Variants in ASAP1 observed in about 807,000 individuals in gnomAD.
ASAP1 encodes the protein ArfGAP with SH3 domain, ankyrin repeat and PH domain 1.
Under a neutral mutation model 145.2 loss-of-function variants are expected in ASAP1, and 43 were observed. The observed-to-expected ratio is 0.30, with a 90% CI of 0.23 to 0.38. ASAP1 has a LOEUF of 0.38. Among genes scored for constraint, ASAP1 ranks in the 10% least tolerant of loss-of-function variants. The pLI, the probability that ASAP1 is intolerant of heterozygous loss-of-function variation, is 1.00. For synonymous variants in ASAP1, 546 were observed against 515.5 expected, an observed-to-expected ratio of 1.06 and a Z score of -0.80; for missense variants, 1,018 against 1,355.3, an observed-to-expected ratio of 0.75 and a Z score of 3.91.
intron 3 of ASAP1, among the ~76,000 whole-genome samples, chr8:130,330,764 T>C (rs1180515897): frequency 6.6e-6 from 1 of 152,216 alleles, no homozygotes; most frequent in African/African-American, 2.4e-5. Flanking sequence ...ATCATTTATC[T>C]TTTGTTGCCT....
rs5895034 is a variant in ASAP1, at chr8:130,074,486, C to CACACACACAGAG, written c.2701+1861_2701+1862insCTCTGTGTGTGT. ...ACACACACACACACACACACACACA[C>CACACACACAGAG]AGAGAGAACGAGAGTAGAGCAACGG... On this transcript the variant is annotated intron_variant, in intron 27 of 29. Coordinates refer to ENST00000518721, the MANE Select transcript of ASAP1 (RefSeq NM_018482.4). Among the ~76,000 whole-genome samples the CACACACACAGAG allele has an allele frequency of 1.2e-3, 169 of 140,580 alleles. 2 individuals are homozygous for CACACACACAGAG. The Middle Eastern group carries it at 0.022, about 19-fold the overall frequency. The allele number at this position is 140,580 out of a possible 152,430, so 92.2% of individuals were successfully genotyped here.
chr8:130,252,036 T>TA (rs1213754657), intron 3 of ASAP1, among the ~76,000 whole-genome samples: 1 of 152,172 alleles, frequency 6.6e-6, no homozygotes, highest in Non-Finnish European at 1.5e-5. Flanking sequence ...AAAGGATGTG[T>TA]ATTATCAAAT....
chr8:130,360,336 G>A (rs1826651702), intron 2 of ASAP1, among the ~76,000 whole-genome samples: 1 of 152,202 alleles, frequency 6.6e-6, no homozygotes, highest in Non-Finnish European at 1.5e-5. Context: ...GCCCTCAGCT[G>A]CCTCACATGA....
chr8:130,178,003 C>G (rs1814084578), intron 9 of ASAP1, among the ~76,000 whole-genome samples: 1 of 152,194 alleles, frequency 6.6e-6, no homozygotes, highest in African/African-American at 2.4e-5. Context: ...TAACCAGCTG[C>G]AGAGCCAAAA....
At chr8:130,371,145 A>G (rs1827194913) in intron 2 of ASAP1, among the ~76,000 whole-genome samples, 1 of 152,226 alleles carries the variant, frequency 6.6e-6, no homozygotes, top group African/African-American at 2.4e-5. Context: ...AGTATCTACT[A>G]TATACAAGGC....
chr8:130,109,092 A>G (rs538920152), intron 24 of ASAP1, among the ~76,000 whole-genome samples: 45 of 152,272 alleles, frequency 3.0e-4, no homozygotes, highest in African/African-American at 1.1e-3. Flanking sequence ...CAGTGTTAAT[A>G]AACGTACAGT....
chr8:130,143,391 G>A (rs2097617465), intron 13 of ASAP1, among the ~76,000 whole-genome samples: 1 of 150,054 alleles, frequency 6.7e-6, no homozygotes. Context: ...ATTTTACCAA[G>A]ATGTGTGTGT....
At chr8:130,249,190 T>C (rs1268695275) in intron 3 of ASAP1, among the ~76,000 whole-genome samples, 1 of 152,130 alleles carries the variant, frequency 6.6e-6, no homozygotes, top group Non-Finnish European at 1.5e-5. Flanking sequence ...TCCGCACCAT[T>C]GCAGAGTGTT....
At chr8:130,320,811 T>C (rs940267030) in intron 3 of ASAP1, among the ~76,000 whole-genome samples, 2 of 152,082 alleles carry the variant, frequency 1.3e-5, no homozygotes, top group African/African-American at 4.8e-5. Context: ...AGAGTAAAAT[T>C]ATCTATCCCA....
intron 24 of ASAP1, among the ~76,000 whole-genome samples, chr8:130,096,560 G>A (rs565231348): frequency 6.6e-6 from 1 of 152,124 alleles, no homozygotes; most frequent in Non-Finnish European, 1.5e-5. Flanking sequence ...TTAAAAACAT[G>A]GGTCTAGCCT....
In ASAP1 at chr8:130,127,953, T is replaced by C. The variant is rs146996661; in HGVS notation, c.1355A>G (p.Asp452Gly). The C allele has an allele frequency of 1.9e-6, 3 of 1,613,894 alleles. No homozygotes were observed. The highest frequency in any genetic ancestry group is 2.5e-6 in the Non-Finnish European group (3 of 1,179,964). The change falls in exon 16 of 30, where the codon GAC becomes GGC. Residue 452 changes from aspartate (D) to glycine (G), a missense_variant. Coordinates refer to ENST00000518721, the MANE Select transcript of ASAP1 (RefSeq NM_018482.4). ...TGATGAGCCACAATCGCAGCAAATG[T>C]CATTCCCTGGGAGCCGCTGGACATC... The part of the protein sequence containing the change: ...IEDVQRLPGN[D>G]ICCDCGSSEP...
At chr8:130,110,344 T>C (rs935427329) in intron 24 of ASAP1, among the ~76,000 whole-genome samples, 1 of 152,204 alleles carries the variant, frequency 6.6e-6, no homozygotes, top group Non-Finnish European at 1.5e-5. Context: ...CACTGCTATG[T>C]TGGTAACCAC....
chr8:130,169,088 G>C, intron 9 of ASAP1, 21 bp from the exon 10 acceptor site: 1 of 1,391,194 alleles, frequency 7.2e-7, no homozygotes. Flanking sequence ...AAAAATCAGA[G>C]ATTTACCACC....
chr8:130,100,268 A>G (rs1481948351), intron 24 of ASAP1, among the ~76,000 whole-genome samples: 2 of 152,088 alleles, frequency 1.3e-5, no homozygotes, highest in African/African-American at 4.8e-5. Flanking sequence ...ATGATTAGTG[A>G]TGTTGAGCAT....
At chr8:130,293,064 C>T (rs780645485) in intron 3 of ASAP1, among the ~76,000 whole-genome samples, 3 of 152,216 alleles carry the variant, frequency 2.0e-5, no homozygotes, top group Non-Finnish European at 4.4e-5. Flanking sequence ...CCCTGCTTAA[C>T]GACTGACATT....
intron 2 of ASAP1, among the ~76,000 whole-genome samples, chr8:130,400,874 G>C (rs914454713): frequency 4.0e-5 from 6 of 151,678 alleles, no homozygotes; most frequent in African/African-American, 1.5e-4. Flanking sequence ...CCCGTAAAAT[G>C]AATGTAGAAA....
At chr8:130,403,237 A>C (rs1317706800) in intron 1 of ASAP1, among the ~76,000 whole-genome samples, 1 of 152,156 alleles carries the variant, frequency 6.6e-6, no homozygotes, top group Non-Finnish European at 1.5e-5. Flanking sequence ...ATATTCACAC[A>C]GTGTTCAAAT....
chr8:130,411,629 T>C (rs916513133), intron 1 of ASAP1, among the ~76,000 whole-genome samples: 2 of 152,200 alleles, frequency 1.3e-5, no homozygotes, highest in Non-Finnish European at 2.9e-5. Flanking sequence ...ATGATACTTT[T>C]AACAGAGTGT....
intron 24 of ASAP1, among the ~76,000 whole-genome samples, chr8:130,097,936 T>C (rs1380578284): frequency 6.6e-6 from 1 of 152,198 alleles, no homozygotes; most frequent in Admixed American, 6.5e-5. Context: ...TATACCTAAA[T>C]AGATATAAAT....
Sources: allele counts gnomAD v4.1 joint callset (sites outside exome capture counted in the v4.1 genomes callset), GRCh38; gene constraint gnomAD v4.1.1; transcripts MANE v1.5; gene names NCBI Gene and HGNC (gene_info 2026-07-23, HGNC 2026-07-21).